PTPRD: variants seen among roughly 807,000 people sequenced by gnomAD.
PTPRD encodes receptor-type tyrosine-protein phosphatase delta.
PTPRD carries 34 observed loss-of-function variants against 214.5 expected under a neutral mutation model. That is an observed-to-expected ratio of 0.16 (90% CI 0.12 to 0.21). The LOEUF (loss-of-function observed/expected upper bound fraction) is 0.21. Ranked by LOEUF, PTPRD falls within the 10% of genes least tolerant of loss-of-function variation. The probability of loss-of-function intolerance (pLI) is 1.00; values close to 1 mark genes in which losing one functional copy is unlikely to be tolerated. For synonymous variants in PTPRD, 1,128 were observed against 845.7 expected, an observed-to-expected ratio of 1.33 and a Z score of -5.79; for missense variants, 2,545 against 2,398.7, an observed-to-expected ratio of 1.06 and a Z score of -1.27.
intron 10 of PTPRD, among the ~76,000 whole-genome samples, chr9:9,164,387 G>A (rs2099897297): frequency 6.6e-6 from 1 of 151,958 alleles, no homozygotes; most frequent in African/African-American, 2.4e-5. Flanking sequence ...CTCTTATAAG[G>A]ATCTTGGTGA....
chr9:10,101,636 G>A (rs1293908056), intron 3 of PTPRD, among the ~76,000 whole-genome samples: 2 of 151,640 alleles, frequency 1.3e-5, no homozygotes, highest in Non-Finnish European at 3.0e-5. Context: ...TTCCACAGAT[G>A]CTTTGCACAG....
intron 12 of PTPRD, among the ~76,000 whole-genome samples, chr9:8,727,058 G>C (rs142343931): frequency 1.3e-5 from 2 of 152,114 alleles, no homozygotes; most frequent in East Asian, 3.9e-4. Flanking sequence ...AGAATGTTAA[G>C]GGAATAAAAC....
chr9:8,574,791 C>A (rs1286582110), intron 14 of PTPRD, among the ~76,000 whole-genome samples: 1 of 151,924 alleles, frequency 6.6e-6, no homozygotes. Flanking sequence ...AATTGCCAAT[C>A]CCATTTAAAC....
intron 36 of PTPRD, among the ~76,000 whole-genome samples, chr9:8,393,975 G>A (rs912658340): frequency 5.9e-5 from 9 of 152,138 alleles, no homozygotes; most frequent in African/African-American, 2.2e-4. Flanking sequence ...AGATTGTGAT[G>A]AGGTGAATGA....
rs139397439 is a variant in PTPRD at position 9,734,003 on chromosome 9, T to C, written c.-287+530A>G. ...AGCTTTATCATCCCTGTAATGCATG[T>C]CCCAGGAAAATGTTGCAAGGATTTT... On this transcript the variant is annotated intron_variant, in intron 7 of 45. Coordinates refer to ENST00000381196, the MANE Select transcript of PTPRD (RefSeq NM_002839.4). Among the ~76,000 whole-genome samples the C allele has an allele frequency of 1.6e-4, 24 of 152,264 alleles. No individual in the cohort carries two copies. In the East Asian group the frequency reaches 4.4e-3, roughly 28 times the overall value.
intron 43 of PTPRD, among the ~76,000 whole-genome samples, chr9:8,333,698 T>TAACA (rs1843716400): frequency 6.6e-6 from 1 of 152,110 alleles, no homozygotes; most frequent in Non-Finnish European, 1.5e-5. Context: ...AATTTGCATA[T>TAACA]AACAATATTA....
chr9:9,041,772 TAGAAACGTCCA>T (rs2099640575), intron 10 of PTPRD, among the ~76,000 whole-genome samples: 2 of 152,160 alleles, frequency 1.3e-5, no homozygotes, highest in Admixed American at 1.3e-4. Flanking sequence ...ACATAAATCT[TAGAAACGTCCA>T]GTGACATGCT....
chr9:10,061,281 T>C (rs544019811), intron 3 of PTPRD, among the ~76,000 whole-genome samples: 21 of 152,094 alleles, frequency 1.4e-4, no homozygotes, highest in Middle Eastern at 3.4e-3. Flanking sequence ...AAGAAAAATA[T>C]ATAACTTGTT....
At chr9:9,045,302 C>T (rs2099668817) in intron 10 of PTPRD, among the ~76,000 whole-genome samples, 2 of 152,098 alleles carry the variant, frequency 1.3e-5, no homozygotes, top group Non-Finnish European at 2.9e-5. Flanking sequence ...GGATGCTCTT[C>T]ATTCTTATGG....
At chr9:10,279,392 C>T (rs2094953897) in intron 3 of PTPRD, among the ~76,000 whole-genome samples, 1 of 152,134 alleles carries the variant, frequency 6.6e-6, no homozygotes, top group Admixed American at 6.5e-5. Context: ...GGCCCTAGAC[C>T]TGCTACTAGC....
chr9:10,274,080 G>A (rs7865468), intron 3 of PTPRD, among the ~76,000 whole-genome samples: 90,956 of 151,756 alleles, frequency 0.6, 28,392 homozygotes, highest in Non-Finnish European at 0.69. Context: ...TGTTTCTTCA[G>A]GTGTAAATGA....
At chr9:9,145,052 A>C (rs912499093) in intron 10 of PTPRD, among the ~76,000 whole-genome samples, 1 of 152,226 alleles carries the variant, frequency 6.6e-6, no homozygotes, top group African/African-American at 2.4e-5. Context: ...ATATCATTGA[A>C]AATCATAGGC....
chr9:10,140,594 G>C (rs189539770), intron 3 of PTPRD, among the ~76,000 whole-genome samples: 5 of 152,198 alleles, frequency 3.3e-5, no homozygotes, highest in Admixed American at 2.6e-4. Context: ...AGCTGAAATT[G>C]TGGCAATAAT....
At chr9:8,760,161 C>T (rs1377409672) in intron 11 of PTPRD, among the ~76,000 whole-genome samples, 1 of 152,192 alleles carries the variant, frequency 6.6e-6, no homozygotes, top group Non-Finnish European at 1.5e-5. Flanking sequence ...AAACTCCTGA[C>T]CTCAGGTGAT....
At chr9:10,213,993 A>C (rs1038793023) in intron 3 of PTPRD, among the ~76,000 whole-genome samples, 2 of 152,088 alleles carry the variant, frequency 1.3e-5, no homozygotes, top group African/African-American at 2.4e-5. Flanking sequence ...CAATCCCTTT[A>C]ACCCCACAAT....
intron 7 of PTPRD, among the ~76,000 whole-genome samples, chr9:9,582,739 A>G (rs1009060888): frequency 6.6e-6 from 1 of 152,032 alleles, no homozygotes; most frequent in Admixed American, 6.6e-5. Context: ...TTTGTGTGGT[A>G]TATTCTTCTG....
chr9:9,851,971 G>A (rs1293356410), intron 5 of PTPRD, among the ~76,000 whole-genome samples: 2 of 152,114 alleles, frequency 1.3e-5, no homozygotes, highest in African/African-American at 2.4e-5. Flanking sequence ...TGCAAATTAA[G>A]TTCTGTGAAG....
intron 7 of PTPRD, among the ~76,000 whole-genome samples, chr9:9,613,912 GAGAC>G (rs887009101): frequency 2.6e-5 from 4 of 152,170 alleles, no homozygotes; most frequent in African/African-American, 9.6e-5. Flanking sequence ...GGGAGTTTTG[GAGAC>G]AGACAGATAA....
chr9:10,478,403 C>G (rs1271989819), intron 2 of PTPRD, among the ~76,000 whole-genome samples: 1 of 152,052 alleles, frequency 6.6e-6, no homozygotes, highest in African/African-American at 2.4e-5. Flanking sequence ...GATACCTGTA[C>G]AAAGGAGATA....
Sources: gnomAD v4.1 joint callset for allele counts (sites outside exome capture counted in the v4.1 genomes callset) on GRCh38, gnomAD v4.1.1 for gene constraint, MANE v1.5 for transcripts, NCBI Gene and HGNC (gene_info 2026-07-23, HGNC 2026-07-21) for gene names.